Variants in GRB14 observed in about 807,000 individuals in gnomAD.
GRB14 encodes growth factor receptor bound protein 14.
In GRB14, 38 loss-of-function variants were observed where a neutral mutation model predicts 69.1. The ratio of observed to expected loss-of-function variants is 0.55; its 90% CI spans 0.42 to 0.72. The LOEUF is 0.72. Among genes scored for constraint, GRB14 ranks in the 30% least tolerant of loss-of-function variants. The pLI is 0.00. For missense variants in GRB14, 666 were observed against 666.1 expected, an observed-to-expected ratio of 1.00 and a Z score of 0.00; for synonymous variants, 247 against 241.3, an observed-to-expected ratio of 1.02 and a Z score of -0.22.
intron 3 of GRB14, among the ~76,000 whole-genome samples, chr2:164,538,442 T>C (rs545446179): frequency 6.5e-4 from 99 of 152,276 alleles, no homozygotes; most frequent in African/African-American, 2.3e-3. Flanking sequence ...TGGGGAACTA[T>C]AGTGACATCC....
chr2:164,528,155 TTAAG>T (rs1471065490), intron 3 of GRB14, among the ~76,000 whole-genome samples: 1 of 152,020 alleles, frequency 6.6e-6, no homozygotes, highest in Non-Finnish European at 1.5e-5. Flanking sequence ...TTTGGAGACA[TTAAG>T]TAAGTGGGGG....
In GRB14 at chr2:164,494,559, T is replaced by A. The variant is rs754573613; in HGVS notation, c.1383-35A>T. 1.1e-5 allele frequency: 12 copies of A among 1,044,842 alleles called. No individual in the cohort carries two copies. In the Admixed American group the frequency reaches 1.9e-4, roughly 16 times the overall value. The allele number at this position is 1,044,842 out of a possible 1,614,324, so 64.7% of individuals were successfully genotyped here. A position where few individuals can be genotyped will look rare whatever the true frequency, so the allele number is the denominator to read the frequency against. On this transcript the variant is annotated intron_variant, in intron 12 of 13. Coordinates refer to ENST00000263915, the MANE Select transcript of GRB14 (RefSeq NM_004490.3). ...GAGAAGGAATTTCAATGTTTCTATATTTACTCATGGATTTCATAGAACTAT... is the reference window on the plus strand; with the variant it reads ...GAGAAGGAATTTCAATGTTTCTATAATTACTCATGGATTTCATAGAACTAT...
At chr2:164,502,145 T>C in intron 9 of GRB14, 110 bp downstream of exon 9, 1 of 584,116 alleles carries the variant, frequency 1.7e-6, no homozygotes, top group Admixed American at 2.5e-5. Context: ...AGAGTTACTT[T>C]ACCAACAGAA....
intron 2 of GRB14, among the ~76,000 whole-genome samples, chr2:164,565,970 T>G (rs539531252): frequency 6.6e-5 from 10 of 152,264 alleles, no homozygotes; most frequent in Non-Finnish European, 1.0e-4. Context: ...AGAAAATTAC[T>G]CCCTATTGCT....
intron 2 of GRB14, among the ~76,000 whole-genome samples, chr2:164,549,251 T>G (rs1688464135): frequency 6.6e-6 from 1 of 152,208 alleles, no homozygotes. Flanking sequence ...AAATTTTGGA[T>G]ATTAACCCTT....
At chr2:164,547,323 A>G (rs1279712833) in intron 3 of GRB14, among the ~76,000 whole-genome samples, 4 of 152,210 alleles carry the variant, frequency 2.6e-5, no homozygotes, top group East Asian at 1.9e-4. Flanking sequence ...GATAAAATCA[A>G]TTCAGATATT....
rs750213065 is a variant in GRB14 at position 164,497,290 on chromosome 2, A to G, written c.1222-7T>C. ...GGCGTAAACATCCTTTTTTCTGAGC[A>G]AGGAAGGAGAAAACAAATCTCAAGT... On this transcript the variant is annotated splice_polypyrimidine_tract_variant and splice_region_variant and intron_variant, in intron 10 of 13. Coordinates refer to ENST00000263915, the MANE Select transcript of GRB14 (RefSeq NM_004490.3). The G allele has an allele frequency of 1.9e-6, 3 of 1,611,272 alleles. No homozygotes were observed. Among genetic ancestry groups the G allele is most frequent in the Non-Finnish European group, 2.5e-6 (3 of 1,179,108 alleles).
chr2:164,579,119 T>A (rs1689328294), intron 2 of GRB14, among the ~76,000 whole-genome samples: 2 of 152,194 alleles, frequency 1.3e-5, no homozygotes, highest in African/African-American at 4.8e-5. Context: ...ATATAAATAG[T>A]AAATCCTTAC....
intron 2 of GRB14, among the ~76,000 whole-genome samples, chr2:164,585,377 G>A (rs1230863827): frequency 6.6e-6 from 1 of 151,786 alleles, no homozygotes; most frequent in Non-Finnish European, 1.5e-5. Context: ...TCATTTAAAT[G>A]CACAATGTTT....
At chr2:164,513,975 C>T (rs958719636) in intron 6 of GRB14, among the ~76,000 whole-genome samples, 1 of 152,170 alleles carries the variant, frequency 6.6e-6, no homozygotes, top group East Asian at 1.9e-4. Flanking sequence ...AGAAACCAGG[C>T]AGCACTGTAG....
chr2:164,525,407 A>T (rs1687745361), intron 4 of GRB14, among the ~76,000 whole-genome samples: 1 of 152,130 alleles, frequency 6.6e-6, no homozygotes, highest in African/African-American at 2.4e-5. Context: ...CTATCAGGTC[A>T]AAAGGACTAT....
At chr2:164,497,346 A>G (rs1440562498) in intron 10 of GRB14, 28 bp downstream of exon 10, 1 of 1,604,128 alleles carries the variant, frequency 6.2e-7, no homozygotes, top group Non-Finnish European at 8.5e-7. Flanking sequence ...AATCATAAAT[A>G]TTTTGAAGCA....
At chr2:164,533,659 T>C (rs1255255807) in intron 3 of GRB14, among the ~76,000 whole-genome samples, 2 of 152,202 alleles carry the variant, frequency 1.3e-5, no homozygotes, top group Non-Finnish European at 2.9e-5. Flanking sequence ...ATCATTTGAA[T>C]TTGGACTGCA....
intron 5 of GRB14, among the ~76,000 whole-genome samples, chr2:164,524,408 C>G (rs1228990946): frequency 2.0e-5 from 3 of 152,010 alleles, no homozygotes; most frequent in Non-Finnish European, 4.4e-5. Flanking sequence ...CAAGCCACTG[C>G]CAGTTTGGAA....
intron 2 of GRB14, among the ~76,000 whole-genome samples, chr2:164,601,733 G>A (rs1335976242): frequency 6.6e-6 from 1 of 151,974 alleles, no homozygotes; most frequent in Admixed American, 6.6e-5. Context: ...ATAAAGGTAC[G>A]ATATATGCAC....
intron 3 of GRB14, among the ~76,000 whole-genome samples, chr2:164,546,016 C>T (rs528892334): frequency 2.6e-5 from 4 of 152,300 alleles, no homozygotes; most frequent in Admixed American, 1.3e-4. Context: ...ATAAAGAGAA[C>T]CACTGCTATG....
intron 12 of GRB14, among the ~76,000 whole-genome samples, chr2:164,495,971 CT>C (rs1168336980): frequency 3.3e-5 from 5 of 152,224 alleles, no homozygotes; most frequent in African/African-American, 1.2e-4. Flanking sequence ...TTTAATAATT[CT>C]TTGTGACTCA....
At chr2:164,585,383 T>C (rs1418461507) in intron 2 of GRB14, among the ~76,000 whole-genome samples, 1 of 152,090 alleles carries the variant, frequency 6.6e-6, no homozygotes, top group Non-Finnish European at 1.5e-5. Flanking sequence ...AAATGCACAA[T>C]GTTTTCAGTT....
intron 6 of GRB14, among the ~76,000 whole-genome samples, chr2:164,510,213 G>A (rs1687304634): frequency 6.6e-6 from 1 of 152,174 alleles, no homozygotes. Context: ...ATATAGTTCA[G>A]TTATTCAAAC....
Sources: gnomAD v4.1 joint callset for allele counts (sites outside exome capture counted in the v4.1 genomes callset) on GRCh38, gnomAD v4.1.1 for gene constraint, MANE v1.5 for transcripts, NCBI Gene and HGNC (gene_info 2026-07-23, HGNC 2026-07-21) for gene names.